The following RAB38 variants were observed in gnomAD, a reference collection of about 807,000 sequenced individuals.
RAB38 encodes the protein RAB38, member RAS oncogene family, also known as ras-related protein Rab-38.
RAB38 carries 15 observed loss-of-function variants against 18.4 expected under a neutral mutation model. The observed-to-expected ratio is 0.82, with a 90% CI of 0.55 to 1.26. The LOEUF is 1.26. RAB38 is among the 50% of genes most tolerant of loss of function. The pLI is 0.00. For missense variants in RAB38, 294 were observed against 267.4 expected, an observed-to-expected ratio of 1.10 and a Z score of -0.69; for synonymous variants, 101 against 104.4, an observed-to-expected ratio of 0.97 and a Z score of 0.20.
At chr11:87,936,436 T>C in the RAB38 span, among the ~76,000 whole-genome samples, 9 of 152,132 alleles carry the variant, frequency 5.9e-5, no homozygotes, top group South Asian at 2.1e-4. Flanking sequence ...TGCACCTTTG[T>C]CAAAATATCA....
chr11:88,100,284 C>G, the RAB38 span, among the ~76,000 whole-genome samples: 2 of 151,896 alleles, frequency 1.3e-5, no homozygotes, highest in East Asian at 3.9e-4. Flanking sequence ...GCCATAAATT[C>G]TGATTCAAGG....
At chr11:87,886,595 C>T in the RAB38 span, among the ~76,000 whole-genome samples, 2 of 151,878 alleles carry the variant, frequency 1.3e-5, no homozygotes, top group South Asian at 2.1e-4. Flanking sequence ...TGATTCTACC[C>T]GTGGCTATCA....
the RAB38 span, among the ~76,000 whole-genome samples, chr11:87,924,119 C>T: frequency 2.6e-5 from 4 of 151,952 alleles, no homozygotes; most frequent in African/African-American, 2.4e-5. Flanking sequence ...AATCCCCTAA[C>T]ACACCTGTAA....
At chr11:88,021,913 C>A in the RAB38 span, among the ~76,000 whole-genome samples, 2 of 150,886 alleles carry the variant, frequency 1.3e-5, no homozygotes, top group Non-Finnish European at 2.9e-5. Flanking sequence ...AAGTGATCCA[C>A]CCACCTTGGG....
At chr11:87,965,325 A>G in the RAB38 span, among the ~76,000 whole-genome samples, 1 of 151,980 alleles carries the variant, frequency 6.6e-6, no homozygotes, top group Non-Finnish European at 1.5e-5. Flanking sequence ...GTGCTTGGGA[A>G]GGGCAGACTG....
At chr11:87,885,393 GTTGCTCTGT>G in the RAB38 span, among the ~76,000 whole-genome samples, 5 of 150,496 alleles carry the variant, frequency 3.3e-5, no homozygotes, top group African/African-American at 1.2e-4. Flanking sequence ...GTGATCCTTA[GTTGCTCTGT>G]TGCTACACTT....
At chr11:88,043,456 G>C in the RAB38 span, among the ~76,000 whole-genome samples, 3 of 152,028 alleles carry the variant, frequency 2.0e-5, no homozygotes, top group African/African-American at 4.8e-5. Flanking sequence ...TGACCTGCAC[G>C]TATACATCCA....
At chr11:87,925,426 C>T in the RAB38 span, among the ~76,000 whole-genome samples, 2 of 152,008 alleles carry the variant, frequency 1.3e-5, no homozygotes, top group Non-Finnish European at 2.9e-5. Flanking sequence ...TTAGGCACAT[C>T]GACGATCATT....
the RAB38 span, among the ~76,000 whole-genome samples, chr11:87,929,730 A>G: frequency 2.2e-3 from 219 of 98,508 alleles, no homozygotes; most frequent in Non-Finnish European, 3.1e-3. Context: ...CCACCCCACA[A>G]CAGGCCCCGG....
chr11:88,065,070 G>A, the RAB38 span, among the ~76,000 whole-genome samples: 1 of 151,798 alleles, frequency 6.6e-6, no homozygotes, highest in Non-Finnish European at 1.5e-5. Context: ...TCTTTATATG[G>A]GCAGACCTCT....
the RAB38 span, among the ~76,000 whole-genome samples, chr11:88,041,869 C>G: frequency 2.0e-5 from 3 of 152,120 alleles, no homozygotes. Flanking sequence ...TACCTAAGCG[C>G]AGCCCACATT....
intron 2 of RAB38, among the ~76,000 whole-genome samples, chr11:88,130,306 G>A (rs1942751107): frequency 6.6e-6 from 1 of 152,162 alleles, no homozygotes; most frequent in African/African-American, 2.4e-5. Context: ...AAGACAGAAG[G>A]AGAAGGGAAG....
At chr11:88,082,803 C>T in the RAB38 span, among the ~76,000 whole-genome samples, 3 of 151,922 alleles carry the variant, frequency 2.0e-5, no homozygotes, top group Admixed American at 2.0e-4. Flanking sequence ...TTTCCTTATC[C>T]TCTCCAGTTT....
At chr11:88,116,990 G>C (rs1942562931) in intron 2 of RAB38, among the ~76,000 whole-genome samples, 1 of 152,064 alleles carries the variant, frequency 6.6e-6, no homozygotes, top group African/African-American at 2.4e-5. Flanking sequence ...AACCTAGCAG[G>C]GTCATTTTAG....
the RAB38 span, among the ~76,000 whole-genome samples, chr11:88,036,787 A>G: frequency 6.6e-6 from 1 of 151,948 alleles, no homozygotes; most frequent in East Asian, 1.9e-4. Context: ...CCTAATACTA[A>G]TATAAGGATT....
At chr11:88,005,006 C>T in the RAB38 span, among the ~76,000 whole-genome samples, 3 of 151,312 alleles carry the variant, frequency 2.0e-5, no homozygotes, top group East Asian at 1.9e-4. Flanking sequence ...GGGATTTGTA[C>T]AATTTTCATG....
intron 1 of RAB38, chr11:88,165,730 C>A (rs1440225267): frequency 6.6e-6 from 1 of 152,074 alleles, no homozygotes; most frequent in African/African-American, 2.4e-5. Flanking sequence ...AAATTATCTA[C>A]CTCTTGCTTC....
chr11:88,067,185 C>T, the RAB38 span, among the ~76,000 whole-genome samples: 6 of 151,922 alleles, frequency 3.9e-5, no homozygotes, highest in South Asian at 2.1e-4. Context: ...GCATATAAAA[C>T]ATTAAGAAGG....
At chr11:88,047,727 A>G in the RAB38 span, among the ~76,000 whole-genome samples, 1 of 152,206 alleles carries the variant, frequency 6.6e-6, no homozygotes, top group African/African-American at 2.4e-5. Flanking sequence ...ACCAGATCCC[A>G]TTGCTCAGGA....
Sources: gnomAD v4.1 joint callset for allele counts (sites outside exome capture counted in the v4.1 genomes callset) on GRCh38, gnomAD v4.1.1 for gene constraint, MANE v1.5 for transcripts, NCBI Gene and HGNC (gene_info 2026-07-23, HGNC 2026-07-21) for gene names.